The following IVD variants were observed in gnomAD, a reference collection of about 807,000 sequenced individuals.
IVD encodes isovaleryl-CoA dehydrogenase, mitochondrial.
In IVD, 31 loss-of-function variants were observed where a neutral mutation model predicts 51.3. That is an observed-to-expected ratio of 0.60 (90% CI 0.45 to 0.81). IVD has a LOEUF of 0.81. Ranked by LOEUF, IVD falls within the 40% of genes least tolerant of loss-of-function variation. IVD has a pLI of 0.00. For synonymous variants in IVD, 205 were observed against 219.4 expected (o/e 0.93, Z 0.58); for missense variants, 475 against 552.0 (o/e 0.86, Z 1.40).
At position 40,420,965 on chromosome 15, in the gene IVD, T is replaced by C; in HGVS notation, c.*2702T>C. ...CCTATCCTGGCTCTTGGTCCTGGCC[T>C]GCAGCCAAGTGCTGTTCCTAGCCTG... On this transcript the variant is annotated 3_prime_UTR_variant, in exon 12 of 12. Coordinates refer to ENST00000487418, the MANE Select transcript of IVD (RefSeq NM_002225.5). 1 of 985,528 alleles carries C rather than the reference T, an allele frequency of 1.0e-6. No individual in the cohort carries two copies. Among genetic ancestry groups the C allele is most frequent in the Non-Finnish European group, 1.2e-6 (1 of 829,988 alleles). 61.0% of individuals were successfully genotyped at this position (985,528 alleles called of 1,614,324 possible). A position where few individuals can be genotyped will look rare whatever the true frequency, so the allele number is the denominator to read the frequency against.
At chr15:40,432,251 T>C (rs1437330103) in intron 7 of IVD, among the ~76,000 whole-genome samples, 2 of 152,200 alleles carry the variant, frequency 1.3e-5, no homozygotes, top group Non-Finnish European at 2.9e-5. Flanking sequence ...GCCTATCATA[T>C]CTAAGTCTTG....
At chr15:40,414,125 C>T (rs951876465) in intron 7 of IVD, among the ~76,000 whole-genome samples, 1 of 151,914 alleles carries the variant, frequency 6.6e-6, no homozygotes, top group African/African-American at 2.4e-5. Context: ...TCCCAAAGTG[C>T]CAGGATTATA....
Position 40,419,006 on chromosome 15 carries a change from G to A in IVD, c.*743G>A. Reference sequence around the variant, plus strand: ...AAAAATTAGTTGGGCATGGTGGTGGGCACCTGTAATCCCAGCTACTTCAGG... The same window carrying A: ...AAAAATTAGTTGGGCATGGTGGTGGACACCTGTAATCCCAGCTACTTCAGG... On this transcript the variant is annotated 3_prime_UTR_variant, in exon 12 of 12. Coordinates refer to ENST00000487418, the MANE Select transcript of IVD (RefSeq NM_002225.5). 1.9e-6 allele frequency: 1 copy of A among 539,418 alleles called. No individual in the cohort carries two copies. Among genetic ancestry groups the A allele is most frequent in the Non-Finnish European group, 2.9e-6 (1 of 341,942 alleles). The allele number at this position is 539,418 out of a possible 1,614,324, so 33.4% of individuals were successfully genotyped here.
chr15:40,412,945 C>T (rs538006729), intron 6 of IVD, 46 bp from the exon 7 acceptor site: 1 of 1,545,348 alleles, frequency 6.5e-7, no homozygotes, highest in African/African-American at 1.4e-5. Flanking sequence ...ACCAGGCCCC[C>T]TTGGGGCTAA....
At chr15:40,407,887 C>G (rs1890631781) in intron 2 of IVD, 52 bp from the exon 3 acceptor site, 1 of 1,589,152 alleles carries the variant, frequency 6.3e-7, no homozygotes, top group African/African-American at 1.3e-5. Flanking sequence ...CCACATGTGA[C>G]TGGCTGCCTT....
In IVD at chr15:40,411,278, A is replaced by C. The variant is rs557693409; in HGVS notation, c.475A>C (p.Ile159Leu). The change falls in exon 5 of 12, where the codon ATC becomes CTC. Residue 159 changes from isoleucine (I) to leucine (L), a missense_variant. Transcript: ENST00000487418. ...CTTGCAGCTGATCAGTGGTGAGTAC[A>C]TCGGAGCCCTGGCCATGAGTGAGCC... ...YLPKLISGEY[I>L]GALAMSEPNA... is the part of the protein sequence containing the mutation. 3.1e-6 allele frequency: 5 copies of C among 1,614,180 alleles called. No individual in the cohort carries two copies. In the South Asian group the frequency reaches 4.4e-5, roughly 14 times the overall value.
rs143807229 is a variant in IVD at position 40,407,720 on chromosome 15, C to T, written c.229C>T (p.Leu77=). The change falls in exon 2 of 12, where the codon CTG becomes TTG. Residue 77 remains leucine (L), a synonymous_variant. Coordinates refer to ENST00000487418, the MANE Select transcript of IVD (RefSeq NM_002225.5). The stretch of plus-strand genomic sequence containing the variant: ...CGATCGCAGCAATGAGTTCAAGAAC[C>T]TGCGAGTGAGTTGGGAGGTCCGGGC... ...EIDRSNEFKN[L]REFWKQLGNL... 978 of 1,614,030 alleles carry T rather than the reference C, an allele frequency of 6.1e-4. 9 individuals carry two copies. The Middle Eastern group carries it at 0.01, about 17-fold the overall frequency.
At chr15:40,417,711 C>A (rs1891861966) in intron 11 of IVD, among the ~76,000 whole-genome samples, 1 of 152,180 alleles carries the variant, frequency 6.6e-6, no homozygotes, top group Non-Finnish European at 1.5e-5. Context: ...GTCCTGATAT[C>A]AGAGTGCCTG....
At position 40,411,348 on chromosome 15, in the gene IVD, A is replaced by C; in HGVS notation, c.545A>C (p.Lys182Thr). ...DVVSMKLKAEKKGNHYILNGN... is the reference protein window; with the variant it reads ...DVVSMKLKAETKGNHYILNGN... The stretch of plus-strand genomic sequence containing the variant: ...GTCTCTATGAAGCTCAAAGCGGAAA[A>C]GAAAGGTGAGGCCACTCTCAACTTG... The change falls in exon 5 of 12, where the codon AAG (lysine) becomes ACG (threonine). Residue 182 changes from lysine to threonine, a missense_variant. By Grantham distance (78) the Lys-to-Thr change is moderately conservative. Transcript: ENST00000487418. The C allele has an allele frequency of 6.2e-7, 1 of 1,614,166 alleles. No homozygotes were observed. Among genetic ancestry groups the C allele is most frequent in the Non-Finnish European group, 8.5e-7 (1 of 1,180,020 alleles).
At chr15:40,432,332 C>T (rs565681981) in intron 7 of IVD, among the ~76,000 whole-genome samples, 1 of 152,366 alleles carries the variant, frequency 6.6e-6, no homozygotes, top group East Asian at 1.9e-4. Flanking sequence ...ATGTGCTCTT[C>T]AGTTTCTGAG....
chr15:40,435,434 C>G, exon 9 of IVD: 1 of 1,225,702 alleles, frequency 8.2e-7, no homozygotes, highest in Non-Finnish European at 1.1e-6. Flanking sequence ...CTTTTCCGCC[C>G]AACACCCACC....
intron 11 of IVD, among the ~76,000 whole-genome samples, chr15:40,417,025 C>A (rs1424919777): frequency 1.3e-5 from 2 of 151,574 alleles, no homozygotes; most frequent in East Asian, 3.9e-4. Flanking sequence ...CATGGTGAAA[C>A]CCTGTTTCTA....
chr15:40,416,845 C>G (rs1331653375), intron 11 of IVD, among the ~76,000 whole-genome samples: 1 of 152,198 alleles, frequency 6.6e-6, no homozygotes, highest in Non-Finnish European at 1.5e-5. Context: ...CCAGGAGTTG[C>G]TGCTGCCTTC....
chr15:40,419,298 G>A lies in IVD; in HGVS notation c.*1035G>A. 1 of 1,146,454 alleles carries A rather than the reference G, an allele frequency of 8.7e-7. No individual in the cohort carries two copies. The allele number at this position is 1,146,454 out of a possible 1,614,324, so 71.0% of individuals were successfully genotyped here. A position where few individuals can be genotyped will look rare whatever the true frequency, so the allele number is the denominator to read the frequency against. ...GGCCAAGGCAGGTGGATCACTTGCA[G>A]TCAGGAGTTCAAGACCAGCCTGTCC... is the stretch of plus-strand genomic sequence containing the variant. On this transcript the variant is annotated 3_prime_UTR_variant, in exon 12 of 12. Coordinates refer to ENST00000487418, the MANE Select transcript of IVD (RefSeq NM_002225.5).
chr15:40,415,852 C>T (rs768626570), intron 9 of IVD, among the ~76,000 whole-genome samples: 3 of 152,246 alleles, frequency 2.0e-5, no homozygotes, highest in African/African-American at 4.8e-5. Context: ...CCATGCCTTT[C>T]GGAGGCAGTG....
chr15:40,423,458 T>C (rs1389134949), downstream of IVD, among the ~76,000 whole-genome samples: 2 of 152,168 alleles, frequency 1.3e-5, no homozygotes, highest in East Asian at 1.9e-4. Flanking sequence ...CTTTTAAGGA[T>C]AGTTTTTGTT....
At chr15:40,433,863 A>G (rs1230663814) in exon 8 of IVD, 1 of 456,618 alleles carries the variant, frequency 2.2e-6, no homozygotes, top group African/African-American at 2.0e-5. Context: ...GCCTGGGTCC[A>G]TGGATCTTGG....
intron 3 of IVD, among the ~76,000 whole-genome samples, 186 bp downstream of exon 3, chr15:40,408,176 A>G (rs1890671498): frequency 6.6e-6 from 1 of 152,234 alleles, no homozygotes; most frequent in Non-Finnish European, 1.5e-5. Context: ...TTTATTAGAC[A>G]GTGATGTAGA....
intron 7 of IVD, among the ~76,000 whole-genome samples, chr15:40,431,371 CTATCTAT>C (rs1892964847): frequency 6.6e-6 from 1 of 152,018 alleles, no homozygotes; most frequent in Non-Finnish European, 1.5e-5. Flanking sequence ...AATAATAACA[CTATCTAT>C]TTCATAAGAC....
Sources: gnomAD v4.1 joint callset for allele counts (sites outside exome capture counted in the v4.1 genomes callset) on GRCh38, gnomAD v4.1.1 for gene constraint, MANE v1.5 for transcripts, NCBI Gene and HGNC (gene_info 2026-07-23, HGNC 2026-07-21) for gene names.